The following KCNJ3 variants were observed in gnomAD, a reference collection of about 807,000 sequenced individuals.
The protein encoded by KCNJ3 is potassium inwardly rectifying channel subfamily J member 3, also known as G protein-activated inward rectifier potassium channel 1.
A neutral mutation model predicts 39.2 loss-of-function variants in KCNJ3; 4 were observed. The ratio of observed to expected loss-of-function variants is 0.10; its 90% CI spans 0.05 to 0.23. The LOEUF (loss-of-function observed/expected upper bound fraction) is 0.23. KCNJ3 is among the 10% of genes least tolerant of loss of function. The pLI is 1.00. For missense variants in KCNJ3, 276 were observed against 634.9 expected, an observed-to-expected ratio of 0.43 and a Z score of 6.08; for synonymous variants, 230 against 237.4, an observed-to-expected ratio of 0.97 and a Z score of 0.29.
At chr2:154,771,766 A>G (rs931570999) in intron 2 of KCNJ3, among the ~76,000 whole-genome samples, 4 of 152,200 alleles carry the variant, frequency 2.6e-5, no homozygotes, top group Non-Finnish European at 5.9e-5. Context: ...GGAACTAGAC[A>G]ATATCGTTGA....
chr2:154,841,789 T>A (rs1687581432), intron 2 of KCNJ3, among the ~76,000 whole-genome samples: 1 of 152,174 alleles, frequency 6.6e-6, no homozygotes, highest in African/African-American at 2.4e-5. Flanking sequence ...ATATCCCCTT[T>A]ATCATTTTTT....
At chr2:154,746,202 A>G (rs549268869) in intron 2 of KCNJ3, among the ~76,000 whole-genome samples, 1 of 152,146 alleles carries the variant, frequency 6.6e-6, no homozygotes, top group Admixed American at 6.6e-5. Context: ...TAATAATTCA[A>G]TATATAAACA....
At chr2:154,778,849 G>C (rs1686384208) in intron 2 of KCNJ3, among the ~76,000 whole-genome samples, 1 of 152,052 alleles carries the variant, frequency 6.6e-6, no homozygotes, top group Admixed American at 6.6e-5. Context: ...TGGGGATGTA[G>C]AAAAACTTAA....
intron 2 of KCNJ3, among the ~76,000 whole-genome samples, chr2:154,713,681 A>G (rs2105154618): frequency 6.6e-6 from 1 of 152,290 alleles, no homozygotes; most frequent in East Asian, 1.9e-4. Flanking sequence ...TAAGCTTTAC[A>G]TCTTTGCTCA....
intron 2 of KCNJ3, among the ~76,000 whole-genome samples, chr2:154,758,049 T>C (rs959686651): frequency 1.3e-5 from 2 of 152,160 alleles, no homozygotes; most frequent in African/African-American, 4.8e-5. Flanking sequence ...ATTTCAAATT[T>C]ATTGGACATA....
At chr2:154,702,859 T>C (rs34727361) in intron 1 of KCNJ3, among the ~76,000 whole-genome samples, 4,066 of 151,524 alleles carry the variant, frequency 0.027, 46 homozygotes, top group African/African-American at 0.032. Flanking sequence ...GAATTTTCCA[T>C]TTATTTTAGT....
At chr2:154,706,570 A>T (rs1685014719) in intron 1 of KCNJ3, among the ~76,000 whole-genome samples, 1 of 152,142 alleles carries the variant, frequency 6.6e-6, no homozygotes, top group African/African-American at 2.4e-5. Context: ...TATTTATCAC[A>T]GTTCCTTGAA....
intron 2 of KCNJ3, among the ~76,000 whole-genome samples, chr2:154,715,575 G>T (rs1685168398): frequency 6.6e-6 from 1 of 152,116 alleles, no homozygotes; most frequent in South Asian, 2.1e-4. Context: ...TTAAATGCAT[G>T]CTTATTATAG....
intron 2 of KCNJ3, among the ~76,000 whole-genome samples, chr2:154,787,509 T>A (rs16838175): frequency 0.026 from 3,908 of 152,262 alleles, 135 homozygotes; most frequent in African/African-American, 0.079. Context: ...CCTCAGGACA[T>A]CAGGAGCAAA....
intron 2 of KCNJ3, among the ~76,000 whole-genome samples, chr2:154,810,704 G>A (rs932153005): frequency 6.6e-6 from 1 of 151,992 alleles, no homozygotes; most frequent in Non-Finnish European, 1.5e-5. Flanking sequence ...TCAAACTACA[G>A]ATGAATTAAA....
intron 2 of KCNJ3, among the ~76,000 whole-genome samples, chr2:154,756,961 A>C (rs1685949044): frequency 6.6e-6 from 1 of 152,204 alleles, no homozygotes; most frequent in South Asian, 2.1e-4. Context: ...TCTTGGAAAA[A>C]TTGAACTCAT....
At chr2:154,705,629 A>G (rs1331009171) in intron 1 of KCNJ3, among the ~76,000 whole-genome samples, 1 of 152,182 alleles carries the variant, frequency 6.6e-6, no homozygotes, top group Non-Finnish European at 1.5e-5. Flanking sequence ...GAGCATTTAC[A>G]TATAAGGAAA....
At chr2:154,777,042 GCACACA>G (rs34640641) in intron 2 of KCNJ3, among the ~76,000 whole-genome samples, 4 of 150,236 alleles carry the variant, frequency 2.7e-5, no homozygotes, top group South Asian at 4.2e-4. Flanking sequence ...ACGTACACAC[GCACACA>G]CACACACACA....
At chr2:154,757,459 T>C (rs1309424403) in intron 2 of KCNJ3, among the ~76,000 whole-genome samples, 1 of 152,158 alleles carries the variant, frequency 6.6e-6, no homozygotes, top group Non-Finnish European at 1.5e-5. Flanking sequence ...TGTGCCCTTT[T>C]CTCCCTCTAT....
rs1684829581 is a variant in KCNJ3 at position 154,698,722 on chromosome 2, G to A, written c.-54G>A. 3.6e-6 allele frequency: 3 copies of A among 827,744 alleles called. No homozygotes were observed. The highest frequency in any genetic ancestry group is 5.7e-6 in the Non-Finnish European group (3 of 524,912). 51.3% of individuals were successfully genotyped at this position (827,744 alleles called of 1,614,324 possible). A position where few individuals can be genotyped will look rare whatever the true frequency, so the allele number is the denominator to read the frequency against. On this transcript the variant is annotated 5_prime_UTR_variant, in exon 1 of 3. Transcript: ENST00000295101. ...CTCCTTATTGGTGCTAGTTTGCAGCGCCCAGCTCCTGCGCCTTCGCTTCGC... is the reference window on the plus strand; with the variant it reads ...CTCCTTATTGGTGCTAGTTTGCAGCACCCAGCTCCTGCGCCTTCGCTTCGC...
intron 2 of KCNJ3, among the ~76,000 whole-genome samples, chr2:154,850,931 A>G (rs1326911495): frequency 1.3e-5 from 2 of 152,180 alleles, no homozygotes; most frequent in Non-Finnish European, 2.9e-5. Context: ...AATATTTTGA[A>G]TGTTTAATTG....
chr2:154,852,828 T>C (rs1687778859), intron 2 of KCNJ3, among the ~76,000 whole-genome samples: 1 of 152,054 alleles, frequency 6.6e-6, no homozygotes, highest in Non-Finnish European at 1.5e-5. Context: ...TATATAAATG[T>C]TTCTGGGGCT....
At chr2:154,789,511 G>A (rs1686590283) in intron 2 of KCNJ3, among the ~76,000 whole-genome samples, 1 of 151,892 alleles carries the variant, frequency 6.6e-6, no homozygotes, top group African/African-American at 2.4e-5. Context: ...CTGATTACTG[G>A]GATAATGCAC....
At chr2:154,790,903 G>A (rs1363186199) in intron 2 of KCNJ3, among the ~76,000 whole-genome samples, 1 of 152,092 alleles carries the variant, frequency 6.6e-6, no homozygotes, top group East Asian at 1.9e-4. Flanking sequence ...AGGGGAGAGA[G>A]TGATCTTTGA....
Sources: gnomAD v4.1 joint callset for allele counts (sites outside exome capture counted in the v4.1 genomes callset) on GRCh38, gnomAD v4.1.1 for gene constraint, MANE v1.5 for transcripts, NCBI Gene and HGNC (gene_info 2026-07-23, HGNC 2026-07-21) for gene names.